The following GEMIN7 variants were observed in gnomAD, a reference collection of about 807,000 sequenced individuals.
GEMIN7 encodes gem nuclear organelle associated protein 7, also known as gem-associated protein 7.
In GEMIN7, 7 loss-of-function variants were observed where a neutral mutation model predicts 7.8. The observed-to-expected ratio is 0.90, with a 90% CI of 0.51 to 1.69. The LOEUF is 1.69. Among genes scored for constraint, GEMIN7 ranks in the 40% most tolerant of loss-of-function variants. The pLI is 0.00. For synonymous variants in GEMIN7, 68 were observed against 72.4 expected, an observed-to-expected ratio of 0.94 and a Z score of 0.31; for missense variants, 159 against 176.2, an observed-to-expected ratio of 0.90 and a Z score of 0.55.
chr19:45,079,428 GCTC>G (rs1323201469), intron 1 of GEMIN7, 51 bp downstream of exon 1: 3 of 152,320 alleles, frequency 2.0e-5, no homozygotes, highest in African/African-American at 7.2e-5. Context: ...GTCCCCAGAC[GCTC>G]CTATCAGGGA....
upstream of GEMIN7, among the ~76,000 whole-genome samples, chr19:45,078,002 T>C (rs557695031): frequency 1.3e-5 from 2 of 152,074 alleles, no homozygotes; most frequent in Non-Finnish European, 2.9e-5. Flanking sequence ...AGTGCTGAGA[T>C]TACAGGTGTG....
At chr19:45,077,481 C>T (rs886238610), upstream of GEMIN7, among the ~76,000 whole-genome samples, 1 of 152,144 alleles carries the variant, frequency 6.6e-6, no homozygotes, top group Non-Finnish European at 1.5e-5. Context: ...TTCCTGGCAC[C>T]GACTGCACGA....
At chr19:45,076,240 G>C, upstream of GEMIN7, 1 of 1,506,118 alleles carries the variant, frequency 6.6e-7, no homozygotes, top group Non-Finnish European at 8.8e-7. The surrounding 1 kb of genome is among the most constrained non-coding windows in gnomAD (Gnocchi z 4.9). Context: ...CAGCCTTGGG[G>C]CCTGTTGGGG....
chr19:45,076,431 A>T (rs926568127), upstream of GEMIN7: 1 of 1,186,808 alleles, frequency 8.4e-7, no homozygotes, highest in African/African-American at 1.6e-5. This position sits in a 1 kb window ranked among gnomAD's most constrained non-coding sequence, Gnocchi z 4.9. Context: ...CGGGCGGAGG[A>T]CGCACGAGCG....
At chr19:45,080,493 A>G (rs574476186) in intron 2 of GEMIN7, among the ~76,000 whole-genome samples, 1 of 151,012 alleles carries the variant, frequency 6.6e-6, no homozygotes, top group East Asian at 2.0e-4. Flanking sequence ...CTCCTGCCTC[A>G]GCCTCCTGCG....
chr19:45,090,761 G>A lies in GEMIN7; in HGVS notation c.*251G>A. The stretch of plus-strand genomic sequence containing the variant: ...AACTCTGAACCCTACAGAAATATGG[G>A]CCTGCTGCCATTTCCTGAAGACCGG... On this transcript the variant is annotated 3_prime_UTR_variant, in exon 3 of 3. Transcript: ENST00000270257. The A allele has an allele frequency of 4.3e-6, 2 of 469,364 alleles. No individual in the cohort carries two copies. Among genetic ancestry groups the A allele is most frequent in the South Asian group, 3.2e-5 (1 of 30,804 alleles). 29.1% of individuals were successfully genotyped at this position (469,364 alleles called of 1,614,324 possible).
In GEMIN7 at chr19:45,090,545, G is replaced by T; in HGVS notation, c.*35G>T. The T allele has an allele frequency of 6.4e-7, 1 of 1,570,508 alleles. No individual in the cohort carries two copies. The highest frequency in any genetic ancestry group is 1.2e-5 in the South Asian group (1 of 85,988). ...GTTCACTTTTCTGCTTGAGGCTAAG[G>T]CACTGTATCCCAGGCCTCCCAATGT... On this transcript the variant is annotated 3_prime_UTR_variant, in exon 3 of 3. Coordinates refer to ENST00000270257, the MANE Select transcript of GEMIN7 (RefSeq NM_024707.3).
chr19:45,078,659 G>C (rs745607075), upstream of GEMIN7, among the ~76,000 whole-genome samples: 1 of 152,170 alleles, frequency 6.6e-6, no homozygotes, highest in African/African-American at 2.4e-5. Flanking sequence ...AGGCCTTGGT[G>C]ATCTAGTGGA....
chr19:45,090,288 A>ACGAGCCGCCCTT lies in GEMIN7; in HGVS notation c.177_188dup (p.Ala60_Arg63dup). The ACGAGCCGCCCTT allele has an allele frequency of 1.2e-6, 2 of 1,614,172 alleles. No individual in the cohort carries two copies. The highest frequency in any genetic ancestry group is 1.7e-6 in the Non-Finnish European group (2 of 1,180,018). On this transcript the variant is annotated inframe_insertion, in exon 3 of 3. Transcript: ENST00000270257. Reference sequence around the variant, plus strand: ...CCCTGGAATCCCAGGAGCAGCGGGCACGAGCCGCCCTTCGGGAGCGTTACC... The same window carrying ACGAGCCGCCCTT: ...CCCTGGAATCCCAGGAGCAGCGGGCACGAGCCGCCCTTCGAGCCGCCCTTCGGGAGCGTTACC...
chr19:45,077,388 C>T (rs1394619938), upstream of GEMIN7, among the ~76,000 whole-genome samples: 1 of 152,156 alleles, frequency 6.6e-6, no homozygotes, highest in African/African-American at 2.4e-5. Context: ...GAACTTCCCT[C>T]CCCTAAGCAG....
chr19:45,086,360 T>G (rs942685045), intron 2 of GEMIN7, among the ~76,000 whole-genome samples: 1 of 152,128 alleles, frequency 6.6e-6, no homozygotes, highest in Non-Finnish European at 1.5e-5. Context: ...CTCAGCTCAG[T>G]TAGTCCTCAC....
upstream of GEMIN7, among the ~76,000 whole-genome samples, chr19:45,077,112 C>A (rs903492375): frequency 2.0e-5 from 3 of 152,102 alleles, no homozygotes; most frequent in Non-Finnish European, 4.4e-5. Context: ...GGGAAGGAAG[C>A]CCAGCCAGTG....
At chr19:45,085,200 G>A (rs967180933) in intron 2 of GEMIN7, 2 of 152,274 alleles carry the variant, frequency 1.3e-5, no homozygotes, top group Admixed American at 1.3e-4. Context: ...GTTTACAGGC[G>A]GGAGCCACTG....
intron 2 of GEMIN7, among the ~76,000 whole-genome samples, chr19:45,087,837 G>A (rs546481973): frequency 6.6e-6 from 1 of 152,288 alleles, no homozygotes; most frequent in East Asian, 1.9e-4. Flanking sequence ...AGTACTCCAG[G>A]CAGGAAGTGT....
chr19:45,078,924 A>T (rs189468340), upstream of GEMIN7, among the ~76,000 whole-genome samples: 531 of 152,320 alleles, frequency 3.5e-3, 1 homozygote, highest in African/African-American at 0.012. Context: ...CACTGGAAGC[A>T]AGGGGTTAGG....
chr19:45,080,108 G>A (rs1464220099), intron 2 of GEMIN7, 79 bp downstream of exon 2: 1 of 152,244 alleles, frequency 6.6e-6, no homozygotes, highest in African/African-American at 2.4e-5. Context: ...CAAGTCGTGG[G>A]GGATGGGCTT....
At chr19:45,082,816 T>C (rs1385163809) in intron 2 of GEMIN7, among the ~76,000 whole-genome samples, 1 of 136,378 alleles carries the variant, frequency 7.3e-6, no homozygotes, top group African/African-American at 2.8e-5. Flanking sequence ...AGATGGGGTT[T>C]TGCTATATTG....
intron 2 of GEMIN7, among the ~76,000 whole-genome samples, chr19:45,082,238 G>A (rs929446885): frequency 1.3e-5 from 2 of 152,050 alleles, no homozygotes; most frequent in African/African-American, 4.8e-5. Flanking sequence ...GCCTTGCTAC[G>A]CCCCAAAGCC....
intron 2 of GEMIN7, 168 bp from the exon 3 acceptor site, chr19:45,089,939 G>A: frequency 1.5e-6 from 1 of 659,120 alleles, no homozygotes; most frequent in South Asian, 2.2e-5. Context: ...TTTTGTTTCT[G>A]ATCCAAGCCA....
Sources: allele counts gnomAD v4.1 joint callset (sites outside exome capture counted in the v4.1 genomes callset), GRCh38; gene constraint gnomAD v4.1.1; non-coding constraint Gnocchi (gnomAD v3.1); transcripts MANE v1.5; gene names NCBI Gene and HGNC (gene_info 2026-07-23, HGNC 2026-07-21).